The following TLR7 variants were observed in gnomAD, a reference collection of about 807,000 sequenced individuals.
TLR7 encodes toll like receptor 7.
In TLR7, 12 loss-of-function variants were observed where a neutral mutation model predicts 38.3. The ratio of observed to expected loss-of-function variants is 0.31; its 90% CI spans 0.20 to 0.51. TLR7 has a LOEUF of 0.51. TLR7 is among the 20% of genes least tolerant of loss of function. TLR7 has a pLI of 0.98. For synonymous variants in TLR7, 285 were observed against 293.8 expected (o/e 0.97, Z 0.31); for missense variants, 504 against 743.4 (o/e 0.68, Z 3.74).
At chrX:12,881,467 AAAT>A (rs1002410661) in intron 2 of TLR7, among the ~76,000 whole-genome samples, 2 of 107,558 alleles carry the variant, frequency 1.9e-5, no homozygotes, top group Admixed American at 9.9e-5. Flanking sequence ...TCTTTTTAAT[AAAT>A]AATAAACTGA....
At chrX:12,877,836 T>C (rs191802202) in intron 2 of TLR7, among the ~76,000 whole-genome samples, 49 of 111,573 alleles carry the variant, frequency 4.4e-4, no homozygotes, top group African/African-American at 1.5e-3. Context: ...GGTCTCTCCT[T>C]GTCACCTTGT....
Position 12,887,071 on chromosome X carries a change from C to T in TLR7, c.1563C>T (p.Cys521=), listed in dbSNP as rs145415086. 109 of 1,209,241 alleles carry T rather than the reference C, an allele frequency of 9.0e-5. No individual in the cohort carries two copies. In the East Asian group the frequency reaches 1.0e-3, roughly 11 times the overall value. The stretch of plus-strand genomic sequence containing the variant: ...TTCAGCATCTTTCTTTCCTCAAATG[C>T]CTGAATCTGTCAGGAAATCTCATTA... ...SDFQHLSFLK[C]LNLSGNLISQ... Residue 521 remains cysteine (C), a synonymous_variant, in exon 3 of 3, where the codon TGC becomes TGT. Coordinates refer to ENST00000380659, the MANE Select transcript of TLR7 (RefSeq NM_016562.4).
Position 12,886,080 on chromosome X carries a change from T to C in TLR7, c.572T>C (p.Val191Ala), listed in dbSNP as rs1469443305. 8.3e-7 allele frequency: 1 copy of C among 1,211,304 alleles called. No homozygotes were observed. The highest frequency in any genetic ancestry group is 1.1e-6 in the Non-Finnish European group (1 of 895,040). The change falls in exon 3 of 3, where the codon GTT (valine) becomes GCT (alanine). Residue 191 changes from valine to alanine, a missense_variant. Val to Ala is a moderately conservative substitution (Grantham distance 64, BLOSUM62 0). Transcript: ENST00000380659. ...TGTTATTATCGAAATCCTTGTTATG[T>C]TTCATATTCAATAGAGAAAGATGCC... ...QNCYYRNPCY[V>A]SYSIEKDAFL...
chrX:12,878,700 A>G (rs5743756), intron 2 of TLR7, among the ~76,000 whole-genome samples: 153 of 111,524 alleles, frequency 1.4e-3, no homozygotes, highest in African/African-American at 4.7e-3. Flanking sequence ...GACAGCCTGA[A>G]GTCTAAAGAC....
At position 12,869,005 on chromosome X, in the gene TLR7, T is replaced by C. The variant is rs965341892; in HGVS notation, c.3+1424T>C. Among the ~76,000 whole-genome samples the C allele has an allele frequency of 2.7e-5, 3 of 111,653 alleles. 1 individual carries two copies. Among genetic ancestry groups the C allele is most frequent in the Non-Finnish European group, 5.6e-5 (3 of 53,155 alleles). On this transcript the variant is annotated intron_variant, in intron 2 of 2. Transcript: ENST00000380659. ...ATGCTGAGGGCTAGATAGACATGAT[T>C]CTATTTTGGCCTCAAAGTAGCCCTA... is the stretch of plus-strand genomic sequence containing the variant.
rs1482357731 is a variant in TLR7 at position 12,869,547 on chromosome X, T to C, written c.3+1966T>C. The stretch of plus-strand genomic sequence containing the variant: ...GTGGGAGCTGAACAGTGAGAACACA[T>C]GGACACAGGGAGGGGAACAACACTC... On this transcript the variant is annotated intron_variant, in intron 2 of 2. Transcript: ENST00000380659. 3.6e-5 allele frequency among the ~76,000 whole-genome samples: 4 copies of C among 110,447 alleles called. No individual in the cohort carries two copies. The East Asian group carries it at 8.5e-4, about 23-fold the overall frequency.
At chrX:12,874,660 G>C (rs991551094) in intron 2 of TLR7, among the ~76,000 whole-genome samples, 1 of 112,370 alleles carries the variant, frequency 8.9e-6, no homozygotes, top group Non-Finnish European at 1.9e-5. Flanking sequence ...GGATAATTCA[G>C]TTGGTAGCCC....
In TLR7 at chrX:12,889,571, CAGTA is replaced by C. The variant is rs1342744031; in HGVS notation, c.*916_*919del. ...CCTGCTTCTGGGTTCCATAGGGAAA[CAGTA>C]AGAAAGAAAGACACATCCTTACCAT... On this transcript the variant is annotated 3_prime_UTR_variant, in exon 3 of 3. Coordinates refer to ENST00000380659, the MANE Select transcript of TLR7 (RefSeq NM_016562.4). 8.9e-6 allele frequency: 1 copy of C among 112,676 alleles called. No homozygotes were observed. The highest frequency in any genetic ancestry group is 1.9e-5 in the Non-Finnish European group (1 of 53,539). The allele number at this position is 112,676 out of a possible 1,213,427, so 9.3% of individuals were successfully genotyped here.
At chrX:12,876,859 G>T (rs1221063663) in intron 2 of TLR7, among the ~76,000 whole-genome samples, 3 of 110,166 alleles carry the variant, frequency 2.7e-5, no homozygotes, top group Admixed American at 9.6e-5. Flanking sequence ...GGCCTATCAT[G>T]GTATACTATG....
intron 2 of TLR7, among the ~76,000 whole-genome samples, chrX:12,868,600 A>T (rs1463938591): frequency 8.9e-6 from 1 of 111,837 alleles, no homozygotes; most frequent in Non-Finnish European, 1.9e-5. Flanking sequence ...TTCCAGGGCC[A>T]CTGTGAGGCT....
At chrX:12,868,111 G>A (rs998908471) in intron 2 of TLR7, among the ~76,000 whole-genome samples, 7 of 112,117 alleles carry the variant, frequency 6.2e-5, no homozygotes, top group African/African-American at 2.3e-4. Flanking sequence ...GTATAGAAAG[G>A]GGCTCAATTC....
In TLR7 at chrX:12,886,702, T is replaced by C. The variant is rs1489250579; in HGVS notation, c.1194T>C (p.Asn398=). ...TCTCGCCATTACATAATCTTCAAAA[T>C]CTTGAAGTTCTTGATCTTGGCACTA... ...FNLSPLHNLQ[N]LEVLDLGTNF... The change falls in exon 3 of 3, where the codon AAT becomes AAC. Residue 398 remains asparagine, a synonymous_variant. Transcript: ENST00000380659. 8.3e-7 allele frequency: 1 copy of C among 1,211,317 alleles called. No homozygotes were observed. Among genetic ancestry groups the C allele is most frequent in the Non-Finnish European group, 1.1e-6 (1 of 895,354 alleles).
Position 12,885,601 on chromosome X carries a change from T to C in TLR7, c.93T>C (p.Pro31=). 1 of 1,211,923 alleles carries C rather than the reference T, an allele frequency of 8.3e-7. No homozygotes were observed. Residue 31 remains proline, a synonymous_variant, in exon 3 of 3, where the codon CCT becomes CCC. Coordinates refer to ENST00000380659, the MANE Select transcript of TLR7 (RefSeq NM_016562.4). ...AACTCCTTGGGGCTAGATGGTTTCC[T>C]AAAACTCTGCCCTGTGATGTCACTC... The part of the protein sequence containing the change: ...ISKLLGARWF[P]KTLPCDVTLD...
At position 12,882,326 on chromosome X, in the gene TLR7, C is replaced by A. The variant is rs574227733; in HGVS notation, c.4-3186C>A. ...ATGAATTATAGAGGAGAAGGGGGAG[C>A]AGGGAGAGCAATTTGGAGTCTAGCA... On this transcript the variant is annotated intron_variant, in intron 2 of 2. Transcript: ENST00000380659. 2.7e-4 allele frequency among the ~76,000 whole-genome samples: 30 copies of A among 110,739 alleles called. No homozygotes were observed. The South Asian group carries it at 0.011, about 41-fold the overall frequency.
At position 12,888,164 on chromosome X, in the gene TLR7, T is replaced by A; in HGVS notation, c.2656T>A (p.Ser886Thr). 1 of 1,211,979 alleles carries A rather than the reference T, an allele frequency of 8.3e-7. No individual in the cohort carries two copies. The highest frequency in any genetic ancestry group is 1.1e-6 in the Non-Finnish European group (1 of 895,495). ...GATAAAGGGGTATCAGCGTCTAATA[T>A]CACCAGACTGTTGCTATGATGCTTT... ...AKIKGYQRLI[S>T]PDCCYDAFIV... is the part of the protein sequence containing the mutation. Residue 886 changes from serine to threonine, a missense_variant, in exon 3 of 3, where the codon TCA becomes ACA. Transcript: ENST00000380659.
intron 2 of TLR7, among the ~76,000 whole-genome samples, chrX:12,881,285 A>G (rs1403506550): frequency 2.8e-5 from 3 of 107,344 alleles, no homozygotes; most frequent in Non-Finnish European, 5.8e-5. Flanking sequence ...AAAACCCAAA[A>G]CTGAAAGCTT....
Position 12,886,439 on chromosome X carries a change from A to G in TLR7, c.931A>G (p.Lys311Glu). The part of the protein sequence containing the change: ...SLQHVPPRWF[K>E]NINKLQELDL... ...TCAGCATGTGCCCCCAAGATGGTTT[A>G]AGAACATCAACAAACTCCAGGAACT... is the stretch of plus-strand genomic sequence containing the variant. The change falls in exon 3 of 3, where the codon AAG (lysine) becomes GAG (glutamate). Residue 311 changes from lysine (K) to glutamate (E), a missense_variant. By Grantham distance (56) the Lys-to-Glu change is moderately conservative (BLOSUM62 1). Transcript: ENST00000380659. 1 of 1,212,078 alleles carries G rather than the reference A, an allele frequency of 8.3e-7. No individual in the cohort carries two copies. The highest frequency in any genetic ancestry group is 1.1e-6 in the Non-Finnish European group (1 of 895,530).
intron 2 of TLR7, among the ~76,000 whole-genome samples, chrX:12,884,646 G>C (rs1299490844): frequency 8.9e-6 from 1 of 111,960 alleles, no homozygotes; most frequent in Non-Finnish European, 1.9e-5. Context: ...ATATGTCCCA[G>C]TTTGCCTGAC....
At position 12,886,684 on chromosome X, in the gene TLR7, A is replaced by G; in HGVS notation, c.1176A>G (p.Pro392=). The change falls in exon 3 of 3, where the codon CCA becomes CCG. Residue 392 remains proline (P), a synonymous_variant. Coordinates refer to ENST00000380659, the MANE Select transcript of TLR7 (RefSeq NM_016562.4). Reference sequence around the variant, plus strand: ...AGTTGAAAAGCTTTAACCTCTCGCCATTACATAATCTTCAAAATCTTGAAG... The same window carrying G: ...AGTTGAAAAGCTTTAACCTCTCGCCGTTACATAATCTTCAAAATCTTGAAG... ...FKELKSFNLS[P]LHNLQNLEVL... is the part of the protein sequence containing the mutation. 8.3e-7 allele frequency: 1 copy of G among 1,211,903 alleles called. No individual in the cohort carries two copies.
Sources: gnomAD v4.1 joint callset for allele counts (sites outside exome capture counted in the v4.1 genomes callset) on GRCh38, gnomAD v4.1.1 for gene constraint, MANE v1.5 for transcripts, NCBI Gene and HGNC (gene_info 2026-07-23, HGNC 2026-07-21) for gene names.